HHAT: variants seen among roughly 807,000 people sequenced by gnomAD.
HHAT encodes hedgehog acyltransferase.
HHAT carries 47 observed loss-of-function variants against 70.8 expected under a neutral mutation model. The ratio of observed to expected loss-of-function variants is 0.66; its 90% confidence interval spans 0.53 to 0.85. The LOEUF (loss-of-function observed/expected upper bound fraction) is 0.85, where lower values mean the gene tolerates loss of function less well. Among genes scored for constraint, HHAT ranks in the 40% least tolerant of loss-of-function variants. HHAT has a pLI of 0.00. For missense variants in HHAT, 609 were observed against 604.8 expected, an observed-to-expected ratio of 1.01 and a Z score of -0.07; for synonymous variants, 228 against 247.6, an observed-to-expected ratio of 0.92 and a Z score of 0.74.
intron 11 of HHAT, among the ~76,000 whole-genome samples, chr1:210,661,659 C>T (rs1223561831): frequency 6.6e-6 from 1 of 152,174 alleles, no homozygotes; most frequent in African/African-American, 2.4e-5. Flanking sequence ...CCCAAATGTC[C>T]ATCAATGATA....
intron 8 of HHAT, among the ~76,000 whole-genome samples, chr1:210,477,719 G>C (rs560516450): frequency 6.6e-6 from 1 of 152,148 alleles, no homozygotes; most frequent in Admixed American, 6.6e-5. Flanking sequence ...TATCCTACAG[G>C]TGGCGCCTGG....
At chr1:210,473,838 C>T (rs2094253197) in intron 8 of HHAT, among the ~76,000 whole-genome samples, 1 of 152,180 alleles carries the variant, frequency 6.6e-6, no homozygotes. Flanking sequence ...GGTCTTCAAG[C>T]TTCTGGGTCT....
At chr1:210,465,726 T>A (rs2094086782) in intron 8 of HHAT, among the ~76,000 whole-genome samples, 1 of 152,248 alleles carries the variant, frequency 6.6e-6, no homozygotes, top group Non-Finnish European at 1.5e-5. Context: ...AAGGAGGTAG[T>A]TAGCACTCAA....
At chr1:210,608,176 C>T (rs917031088) in intron 10 of HHAT, among the ~76,000 whole-genome samples, 3 of 152,050 alleles carry the variant, frequency 2.0e-5, no homozygotes, top group African/African-American at 2.4e-5. Context: ...CATGTGTGTA[C>T]GTGGTTCTTT....
chr1:210,609,743 A>G (rs1049349434), intron 10 of HHAT, among the ~76,000 whole-genome samples: 1 of 152,116 alleles, frequency 6.6e-6, no homozygotes, highest in African/African-American at 2.4e-5. Context: ...GCTCCCACTT[A>G]TAAGTGAGAA....
intron 7 of HHAT, among the ~76,000 whole-genome samples, chr1:210,446,158 G>A (rs1178755255): frequency 6.6e-6 from 1 of 152,056 alleles, no homozygotes; most frequent in Non-Finnish European, 1.5e-5. Flanking sequence ...CTCTGGCCTC[G>A]TCCCCAGCCT....
intron 6 of HHAT, among the ~76,000 whole-genome samples, chr1:210,417,026 G>A (rs1264786655): frequency 3.3e-5 from 5 of 152,056 alleles, no homozygotes; most frequent in Admixed American, 3.3e-4. Flanking sequence ...TTTTAAAGAA[G>A]AAAATTCCTT....
intron 11 of HHAT, among the ~76,000 whole-genome samples, chr1:210,661,971 C>G (rs116618416): frequency 0.028 from 4,310 of 152,026 alleles, 95 homozygotes; most frequent in South Asian, 0.062. Context: ...TACTGTAGAA[C>G]TTAAAGTATA....
At chr1:210,497,635 T>C (rs2094673991) in intron 8 of HHAT, among the ~76,000 whole-genome samples, 1 of 152,180 alleles carries the variant, frequency 6.6e-6, no homozygotes, top group African/African-American at 2.4e-5. Flanking sequence ...ATTTTACACC[T>C]GAGGGCTTCT....
Position 210,400,486 on chromosome 1 carries a change from A to T in HHAT, c.292A>T (p.Met98Leu). ...TTTGCAGCACAGACCCTGGATTCTCATGCTCTATGGGATGTGGGCCTGCTG... is the reference window on the plus strand; with the variant it reads ...TTTGCAGCACAGACCCTGGATTCTCTTGCTCTATGGGATGTGGGCCTGCTG... ...LARKHRPWIL[M>L]LYGMWACWCV... Residue 98 changes from methionine to leucine, a missense_variant, in exon 5 of 12, where the codon ATG becomes TTG. Transcript: ENST00000261458. 2 of 1,612,054 alleles carry T rather than the reference A, an allele frequency of 1.2e-6. No individual in the cohort carries two copies. Among genetic ancestry groups the T allele is most frequent in the Non-Finnish European group, 1.7e-6 (2 of 1,179,010 alleles).
At position 210,402,440 on chromosome 1, in the gene HHAT, T is replaced by G. The variant is rs943671717; in HGVS notation, c.468+1778T>G. On this transcript the variant is annotated intron_variant, in intron 5 of 11. Coordinates refer to ENST00000261458, the MANE Select transcript of HHAT (RefSeq NM_018194.6). Reference sequence around the variant, plus strand: ...TTCCCTTTACACATTTACGTATGTTTATGCTGTCTCTTGGAACCAACCTTC... The same window carrying G: ...TTCCCTTTACACATTTACGTATGTTGATGCTGTCTCTTGGAACCAACCTTC... Among the ~76,000 whole-genome samples the G allele has an allele frequency of 9.8e-5, 15 of 152,326 alleles. No homozygotes were observed. The East Asian group carries it at 1.7e-3, about 18-fold the overall frequency.
chr1:210,580,701 A>C lies in HHAT; in HGVS notation c.1044-7197A>C, dbSNP rs1414859819. On this transcript the variant is annotated intron_variant, in intron 9 of 11. Coordinates refer to ENST00000261458, the MANE Select transcript of HHAT (RefSeq NM_018194.6). ...TTTATATGTCTGCATAGTATTCCAC[A>C]CATTTTCTTCATCCAGTCTATCATT... Among the ~76,000 whole-genome samples, 3 of 151,926 alleles carry C rather than the reference A, an allele frequency of 2.0e-5. No homozygotes were observed. The East Asian group carries it at 5.8e-4, about 29-fold the overall frequency.
At chr1:210,553,677 C>A (rs946134803) in intron 9 of HHAT, among the ~76,000 whole-genome samples, 3 of 152,164 alleles carry the variant, frequency 2.0e-5, no homozygotes, top group Non-Finnish European at 2.9e-5. Context: ...CTGGCTTAGA[C>A]CCCTGCAGTG....
intron 10 of HHAT, among the ~76,000 whole-genome samples, chr1:210,618,587 A>G (rs951525388): frequency 2.6e-5 from 4 of 152,048 alleles, no homozygotes; most frequent in African/African-American, 9.7e-5. Flanking sequence ...CTGCTCCTCC[A>G]GATGCTCAGC....
intron 11 of HHAT, among the ~76,000 whole-genome samples, chr1:210,629,438 T>C (rs1281348262): frequency 6.6e-6 from 1 of 152,278 alleles, no homozygotes; most frequent in African/African-American, 2.4e-5. Flanking sequence ...TTTTTCCTGC[T>C]AATCAGAGTT....
chr1:210,370,072 A>G lies in HHAT; in HGVS notation c.159+7153A>G, dbSNP rs374082801. Among the ~76,000 whole-genome samples the G allele has an allele frequency of 3.2e-3, 484 of 151,392 alleles. 7 individuals are homozygous for G. The highest frequency in any genetic ancestry group is 0.011 in the African/African-American group (465 of 41,174). ...CTTTCTCTTCTCTCTCTGCATACACATATACACACACACACTCTTGATCTG... is the reference window on the plus strand; with the variant it reads ...CTTTCTCTTCTCTCTCTGCATACACGTATACACACACACACTCTTGATCTG... On this transcript the variant is annotated intron_variant, in intron 3 of 11. Coordinates refer to ENST00000261458, the MANE Select transcript of HHAT (RefSeq NM_018194.6).
chr1:210,507,359 C>CT (rs927392992), intron 8 of HHAT, among the ~76,000 whole-genome samples: 27,958 of 122,564 alleles, frequency 0.23, 4,010 homozygotes, highest in South Asian at 0.39. Flanking sequence ...TTTCTTTTTT[C>CT]TTTTTTTTTT....
At chr1:210,532,493 T>TA (rs1454785248) in intron 9 of HHAT, among the ~76,000 whole-genome samples, 1 of 152,194 alleles carries the variant, frequency 6.6e-6, no homozygotes, top group Non-Finnish European at 1.5e-5. Context: ...TACTCATTGG[T>TA]AAAAACACCT....
intron 6 of HHAT, among the ~76,000 whole-genome samples, chr1:210,417,427 G>A (rs535484124): frequency 6.6e-6 from 1 of 152,166 alleles, no homozygotes; most frequent in South Asian, 2.1e-4. Flanking sequence ...TAGAGATGGG[G>A]TTTCACCATA....
Sources: gnomAD v4.1 joint callset for allele counts (sites outside exome capture counted in the v4.1 genomes callset) on GRCh38, gnomAD v4.1.1 for gene constraint, MANE v1.5 for transcripts, NCBI Gene and HGNC (gene_info 2026-07-23, HGNC 2026-07-21) for gene names.